TMEM135: variants seen among roughly 807,000 people sequenced by gnomAD.
TMEM135 encodes the protein transmembrane protein 135.
TMEM135 carries 30 observed loss-of-function variants against 60.3 expected under a neutral mutation model. The ratio of observed to expected loss-of-function variants is 0.50; its 90% confidence interval spans 0.37 to 0.68. The LOEUF is 0.68. TMEM135 is among the 30% of genes least tolerant of loss of function. TMEM135 has a pLI of 0.00. For missense variants in TMEM135, 468 were observed against 548.8 expected, an observed-to-expected ratio of 0.85 and a Z score of 1.47; for synonymous variants, 190 against 186.7, an observed-to-expected ratio of 1.02 and a Z score of -0.14.
intron 5 of TMEM135, among the ~76,000 whole-genome samples, chr11:87,166,344 A>G (rs566008095): frequency 1.3e-5 from 2 of 151,686 alleles, no homozygotes; most frequent in African/African-American, 4.9e-5. Flanking sequence ...TTTTGTTGCC[A>G]TTGCTTTTGG....
intron 14 of TMEM135, among the ~76,000 whole-genome samples, chr11:87,320,151 T>C (rs1230294767): frequency 6.6e-6 from 1 of 152,178 alleles, no homozygotes; most frequent in East Asian, 1.9e-4. Flanking sequence ...AATATCCATG[T>C]ATACATAAAT....
chr11:87,321,439 T>C lies in TMEM135; in HGVS notation c.*106T>C. On this transcript the variant is annotated 3_prime_UTR_variant, in exon 15 of 15. Transcript: ENST00000305494. ...GCTCGAACTTCAGTGTTATTTCAGT[T>C]AGAGATACTCTTTTCATTTGTTTTG... The C allele has an allele frequency of 1.7e-6, 2 of 1,192,460 alleles. No individual in the cohort carries two copies. The highest frequency in any genetic ancestry group is 1.2e-5 in the South Asian group (1 of 81,706). The allele number at this position is 1,192,460 out of a possible 1,614,324, so 73.9% of individuals were successfully genotyped here. A position where few individuals can be genotyped will look rare whatever the true frequency, so the allele number is the denominator to read the frequency against.
In TMEM135 at chr11:87,072,784, T is replaced by G. The variant is rs569830754; in HGVS notation, c.362+1169T>G. Among the ~76,000 whole-genome samples, 131 of 152,358 alleles carry G rather than the reference T, an allele frequency of 8.6e-4. No individual in the cohort carries two copies. In the South Asian group the frequency reaches 0.016, roughly 18 times the overall value. On this transcript the variant is annotated intron_variant, in intron 3 of 14. Coordinates refer to ENST00000305494, the MANE Select transcript of TMEM135 (RefSeq NM_022918.4). The stretch of plus-strand genomic sequence containing the variant: ...TGATTTCTATAAAATGTTGCAAACT[T>G]ACATAAACTGTTCAGTCAGGTAAAC...
At chr11:87,252,111 T>G (rs963838164) in intron 6 of TMEM135, among the ~76,000 whole-genome samples, 4 of 152,092 alleles carry the variant, frequency 2.6e-5, no homozygotes, top group Non-Finnish European at 4.4e-5. Context: ...GATTAAGGGT[T>G]TTTCTTTTCT....
chr11:87,182,748 T>C (rs1250215028), intron 5 of TMEM135, among the ~76,000 whole-genome samples: 11 of 152,144 alleles, frequency 7.2e-5, no homozygotes, highest in African/African-American at 2.7e-4. Context: ...GTGAATGTAA[T>C]AATAAATGAG....
chr11:87,232,580 C>T (rs1940912844), intron 5 of TMEM135, among the ~76,000 whole-genome samples: 1 of 151,946 alleles, frequency 6.6e-6, no homozygotes, highest in Admixed American at 6.6e-5. Context: ...AAGTATCTTT[C>T]AAAACAAAAT....
chr11:87,133,249 CTG>C (rs1233956359), intron 4 of TMEM135, among the ~76,000 whole-genome samples: 1 of 152,166 alleles, frequency 6.6e-6, no homozygotes, highest in African/African-American at 2.4e-5. Flanking sequence ...GAAAGTGAGA[CTG>C]AGGAAAAGAC....
At chr11:87,100,739 G>A (rs1403087997) in intron 4 of TMEM135, among the ~76,000 whole-genome samples, 1 of 152,096 alleles carries the variant, frequency 6.6e-6, no homozygotes, top group African/African-American at 2.4e-5. Flanking sequence ...GCATGCGCCT[G>A]TAATCCTACC....
At chr11:87,159,966 G>C (rs1225844810) in intron 5 of TMEM135, among the ~76,000 whole-genome samples, 1 of 152,120 alleles carries the variant, frequency 6.6e-6, no homozygotes. Flanking sequence ...TATGCTAAGG[G>C]AGGAGAGCAG....
chr11:87,316,947 T>C (rs1942743335), intron 12 of TMEM135, among the ~76,000 whole-genome samples: 1 of 151,906 alleles, frequency 6.6e-6, no homozygotes, highest in Admixed American at 6.6e-5. Context: ...AATTCATTGC[T>C]CTGGTAATAG....
At chr11:87,273,017 T>C (rs1369515510) in intron 6 of TMEM135, among the ~76,000 whole-genome samples, 1 of 152,222 alleles carries the variant, frequency 6.6e-6, no homozygotes, top group Non-Finnish European at 1.5e-5. Flanking sequence ...TGCCTCGTTA[T>C]AGCAATTATC....
chr11:87,197,521 TA>T (rs1448661939), intron 5 of TMEM135, among the ~76,000 whole-genome samples: 11 of 152,118 alleles, frequency 7.2e-5, no homozygotes, highest in Non-Finnish European at 1.5e-4. Flanking sequence ...CTGAAGTTAC[TA>T]AGTGCAATTT....
chr11:87,058,496 A>G (rs563623800), intron 1 of TMEM135, among the ~76,000 whole-genome samples: 1 of 151,988 alleles, frequency 6.6e-6, no homozygotes, highest in Admixed American at 6.6e-5. Flanking sequence ...CACTCCACTA[A>G]TTTTTTGTAT....
intron 5 of TMEM135, among the ~76,000 whole-genome samples, chr11:87,194,682 T>G (rs78322185): frequency 0.03 from 4,604 of 152,284 alleles, 212 homozygotes; most frequent in African/African-American, 0.1. Flanking sequence ...ACAAGATTCC[T>G]GTTGCTCTTC....
chr11:87,078,128 C>T (rs1210311843), intron 3 of TMEM135, among the ~76,000 whole-genome samples: 1 of 152,184 alleles, frequency 6.6e-6, no homozygotes, highest in Admixed American at 6.5e-5. Flanking sequence ...AATATGGCAA[C>T]TCTGTTTAGC....
At chr11:87,126,597 A>AT (rs150258235) in intron 4 of TMEM135, among the ~76,000 whole-genome samples, 2 of 150,246 alleles carry the variant, frequency 1.3e-5, no homozygotes, top group East Asian at 3.9e-4. Context: ...TGCTTTTTAA[A>AT]ATATATATAT....
intron 6 of TMEM135, among the ~76,000 whole-genome samples, chr11:87,266,971 T>C (rs1023419658): frequency 6.6e-6 from 1 of 152,162 alleles, no homozygotes; most frequent in Non-Finnish European, 1.5e-5. Context: ...GTTGGAGTTT[T>C]GCCAGGTGGA....
chr11:87,176,935 T>A (rs1312823390), intron 5 of TMEM135, among the ~76,000 whole-genome samples: 1 of 152,234 alleles, frequency 6.6e-6, no homozygotes, highest in East Asian at 1.9e-4. Context: ...CTTTCTTTTC[T>A]TATTGTTTAA....
chr11:87,135,317 T>A (rs2135237844), intron 4 of TMEM135, among the ~76,000 whole-genome samples: 1 of 152,190 alleles, frequency 6.6e-6, no homozygotes, highest in East Asian at 1.9e-4. Context: ...TCTAAGGTCA[T>A]AAGAGTTTCT....
Sources: allele counts gnomAD v4.1 joint callset (sites outside exome capture counted in the v4.1 genomes callset), GRCh38; gene constraint gnomAD v4.1.1; transcripts MANE v1.5; gene names NCBI Gene and HGNC (gene_info 2026-07-23, HGNC 2026-07-21).